GP9: variants seen among roughly 807,000 people sequenced by gnomAD.
The protein encoded by GP9 is platelet glycoprotein IX.
For missense variants in GP9, 228 were observed against 241.8 expected (o/e 0.94, Z 0.38); for synonymous variants, 116 against 116.7 (o/e 0.99, Z 0.04).
upstream of GP9, among the ~76,000 whole-genome samples, chr3:129,056,935 A>G (rs1173493758): frequency 6.6e-6 from 1 of 152,252 alleles, no homozygotes; most frequent in African/African-American, 2.4e-5. Flanking sequence ...TCCTGAAGAC[A>G]GCAGGGAGCC....
At position 129,061,622 on chromosome 3, in the gene GP9, G is replaced by A; in HGVS notation, c.-13+3G>A. 1.2e-6 allele frequency: 1 copy of A among 839,830 alleles called. No individual in the cohort carries two copies. Among genetic ancestry groups the A allele is most frequent in the African/African-American group, 1.7e-5 (1 of 59,966 alleles). The allele number at this position is 839,830 out of a possible 1,614,324, so 52.0% of individuals were successfully genotyped here. A position where few individuals can be genotyped will look rare whatever the true frequency, so the allele number is the denominator to read the frequency against. Reference sequence around the variant, plus strand: ...AAGGCTGAGACCCGAGAAGGGAGGTGAGTGCACCCCGTCCCATGTCAGGCT... The same window carrying A: ...AAGGCTGAGACCCGAGAAGGGAGGTAAGTGCACCCCGTCCCATGTCAGGCT... On this transcript the variant is annotated splice_donor_region_variant and intron_variant, in intron 2 of 2. Transcript: ENST00000307395.
chr3:129,058,407 T>C (rs769734069), upstream of GP9, among the ~76,000 whole-genome samples: 12 of 152,234 alleles, frequency 7.9e-5, no homozygotes, highest in Non-Finnish European at 1.5e-4. Flanking sequence ...GGACCTGTTT[T>C]CTGAGCACCT....
upstream of GP9, among the ~76,000 whole-genome samples, chr3:129,057,538 A>AG (rs1302418985): frequency 2.0e-5 from 3 of 152,264 alleles, no homozygotes; most frequent in Non-Finnish European, 4.4e-5. Context: ...GCCAAGCTAC[A>AG]GGGGGGCCTG....
upstream of GP9, among the ~76,000 whole-genome samples, chr3:129,058,022 G>A (rs1028877099): frequency 4.0e-5 from 6 of 151,816 alleles, no homozygotes; most frequent in Non-Finnish European, 8.8e-5. Context: ...TAGTAGAGAT[G>A]GTGTTTCTCC....
At chr3:129,057,847 T>C (rs1205038557), upstream of GP9, among the ~76,000 whole-genome samples, 1 of 150,818 alleles carries the variant, frequency 6.6e-6, no homozygotes, top group East Asian at 1.9e-4. Flanking sequence ...TTTTTTTTTT[T>C]TTTGAGACGG....
Position 129,061,608 on chromosome 3 carries a change from C to T in GP9, c.-24C>T, listed in dbSNP as rs1946575205. On this transcript the variant is annotated 5_prime_UTR_variant, in exon 2 of 3. Coordinates refer to ENST00000307395, the MANE Select transcript of GP9 (RefSeq NM_000174.5). ...GTTTCCCAGAGGAGAAGGCTGAGAC[C>T]CGAGAAGGGAGGTGAGTGCACCCCG... 1.3e-6 allele frequency: 1 copy of T among 767,658 alleles called. No homozygotes were observed. The highest frequency in any genetic ancestry group is 2.2e-6 in the Non-Finnish European group (1 of 454,308). 47.6% of individuals were successfully genotyped at this position (767,658 alleles called of 1,614,324 possible). A position where few individuals can be genotyped will look rare whatever the true frequency, so the allele number is the denominator to read the frequency against.
chr3:129,055,757 G>A, the GP9 span, among the ~76,000 whole-genome samples: 30 of 151,790 alleles, frequency 2.0e-4, no homozygotes, highest in African/African-American at 7.3e-4. Flanking sequence ...CGATTCTCCT[G>A]CCTCAGTCTC....
chr3:129,059,221 C>G (rs1946549383), upstream of GP9, among the ~76,000 whole-genome samples: 1 of 152,178 alleles, frequency 6.6e-6, no homozygotes, highest in Non-Finnish European at 1.5e-5. Flanking sequence ...TCACAAAACC[C>G]ATCTATGTTG....
rs367730542 is a variant in GP9, at chr3:129,061,086, C to T, written c.-139+236C>T. ...TGGGGAAGAACCAAACAGAGGGCCA[C>T]GGTTGCCGAGACCCGAGTGTGAGTC... On this transcript the variant is annotated intron_variant, in intron 1 of 2. Transcript: ENST00000307395. Among the ~76,000 whole-genome samples, 27 of 152,336 alleles carry T rather than the reference C, an allele frequency of 1.8e-4. 3 individuals carry two copies. The highest frequency in any genetic ancestry group is 5.9e-4 in the Admixed American group (9 of 15,304).
chr3:129,060,705 C>T (rs1342738883), upstream of GP9: 1 of 152,458 alleles, frequency 6.6e-6, no homozygotes, highest in East Asian at 1.9e-4. Flanking sequence ...CAAGGCTGCA[C>T]TGGGGGGATA....
chr3:129,056,901 G>A (rs779478739), upstream of GP9, among the ~76,000 whole-genome samples: 1 of 152,220 alleles, frequency 6.6e-6, no homozygotes, highest in Non-Finnish European at 1.5e-5. Context: ...TGAGAGGTGA[G>A]GCTGGACAGG....
chr3:129,062,109 C>T lies in GP9; in HGVS notation c.370C>T (p.Leu124=), dbSNP rs755371475. Reference sequence around the variant, plus strand: ...CCCCAGCCTCGCTGCCCATGGCCCGCTGGGCCGGCTGACAGGCTACCAGCT... The same window carrying T: ...CCCCAGCCTCGCTGCCCATGGCCCGTTGGGCCGGCTGACAGGCTACCAGCT... ...ASPSLAAHGP[L]GRLTGYQLGS... is the part of the protein sequence containing the mutation. The change falls in exon 3 of 3, where the codon CTG becomes TTG. Residue 124 remains leucine (L), a synonymous_variant. Transcript: ENST00000307395. 1.3e-6 allele frequency: 2 copies of T among 1,599,340 alleles called. No homozygotes were observed. Among genetic ancestry groups the T allele is most frequent in the South Asian group, 2.2e-5 (2 of 89,640 alleles).
At chr3:129,055,295 TTC>T in the GP9 span, among the ~76,000 whole-genome samples, 1 of 152,248 alleles carries the variant, frequency 6.6e-6, no homozygotes, top group Admixed American at 6.5e-5. Flanking sequence ...TTAGAATCAG[TTC>T]TCTTTTTAAA....
chr3:129,061,596 G>C lies in GP9; in HGVS notation c.-36G>C, dbSNP rs1559984085. ...AGTCACCAGCTGGTTTCCCAGAGGA[G>C]AAGGCTGAGACCCGAGAAGGGAGGT... On this transcript the variant is annotated 5_prime_UTR_variant, in exon 2 of 3. Coordinates refer to ENST00000307395, the MANE Select transcript of GP9 (RefSeq NM_000174.5). 2.8e-6 allele frequency: 2 copies of C among 720,128 alleles called. No homozygotes were observed. The highest frequency in any genetic ancestry group is 4.8e-6 in the Non-Finnish European group (2 of 415,916). 44.6% of individuals were successfully genotyped at this position (720,128 alleles called of 1,614,324 possible). A position where few individuals can be genotyped will look rare whatever the true frequency, so the allele number is the denominator to read the frequency against.
rs1403406474 is a variant in GP9 at position 129,062,375 on chromosome 3, G to A, written c.*102G>A. On this transcript the variant is annotated 3_prime_UTR_variant, in exon 3 of 3. Transcript: ENST00000307395. ...GTCAGCCCAAACCACCAGAAGCCCAGAATAAACTGGCAGCTCAGCTGTTTT... is the reference window on the plus strand; with the variant it reads ...GTCAGCCCAAACCACCAGAAGCCCAAAATAAACTGGCAGCTCAGCTGTTTT... 4 of 781,076 alleles carry A rather than the reference G, an allele frequency of 5.1e-6. No homozygotes were observed. The East Asian group carries it at 1.1e-4, about 22-fold the overall frequency. 48.4% of individuals were successfully genotyped at this position (781,076 alleles called of 1,614,324 possible).
At chr3:129,059,056 A>T (rs530847931), upstream of GP9, among the ~76,000 whole-genome samples, 21 of 152,354 alleles carry the variant, frequency 1.4e-4, no homozygotes, top group South Asian at 3.5e-3. Context: ...GCAGATGGGT[A>T]TGTATTTACC....
In GP9 at chr3:129,062,091, C is replaced by T; in HGVS notation, c.352C>T (p.Leu118Phe). ...GCAGGTCCGCTGTGCCAGCCCCAGCCTCGCTGCCCATGGCCCGCTGGGCCG... is the reference window on the plus strand; with the variant it reads ...GCAGGTCCGCTGTGCCAGCCCCAGCTTCGCTGCCCATGGCCCGCTGGGCCG... ...LLQVRCASPSLAAHGPLGRLT... is the reference protein window; with the variant it reads ...LLQVRCASPSFAAHGPLGRLT... Residue 118 changes from leucine to phenylalanine, a missense_variant, in exon 3 of 3, where the codon CTC (leucine) becomes TTC (phenylalanine). Transcript: ENST00000307395. 1 of 1,608,208 alleles carries T rather than the reference C, an allele frequency of 6.2e-7. No homozygotes were observed. Among genetic ancestry groups the T allele is most frequent in the Non-Finnish European group, 8.5e-7 (1 of 1,178,076 alleles).
At chr3:129,059,942 T>C (rs1231417784), upstream of GP9, among the ~76,000 whole-genome samples, 2 of 152,232 alleles carry the variant, frequency 1.3e-5, no homozygotes, top group East Asian at 3.8e-4. Flanking sequence ...CTGTAACTTC[T>C]GTGTTTTTAC....
the GP9 span, among the ~76,000 whole-genome samples, chr3:129,054,995 G>A: frequency 1.3e-5 from 2 of 152,210 alleles, no homozygotes; most frequent in East Asian, 1.9e-4. Context: ...CCCTTGCCTG[G>A]CATGGCCTTA....
Sources: gnomAD v4.1 joint callset for allele counts (sites outside exome capture counted in the v4.1 genomes callset) on GRCh38, gnomAD v4.1.1 for gene constraint, MANE v1.5 for transcripts, NCBI Gene and HGNC (gene_info 2026-07-23, HGNC 2026-07-21) for gene names.